MLIP: variants seen among roughly 807,000 people sequenced by gnomAD.
The protein encoded by MLIP is muscular LMNA interacting protein, also known as muscular LMNA-interacting protein.
MLIP carries 79 observed loss-of-function variants against 84.8 expected under a neutral mutation model. That is an observed-to-expected ratio of 0.93 (90% CI 0.78 to 1.12). The LOEUF (loss-of-function observed/expected upper bound fraction) is 1.12, where lower values mean the gene tolerates loss of function less well. Ranked by LOEUF, MLIP falls within the 50% of genes most tolerant of loss-of-function variation. MLIP has a pLI of 0.00. For missense variants in MLIP, 1,257 were observed against 1,160.6 expected (o/e 1.08, Z -1.21); for synonymous variants, 504 against 463.0 (o/e 1.09, Z -1.14).
chr6:54,071,669 T>C (rs1766493750), intron 1 of MLIP, among the ~76,000 whole-genome samples: 1 of 152,198 alleles, frequency 6.6e-6, no homozygotes, highest in Non-Finnish European at 1.5e-5. Flanking sequence ...TAAGTAAACA[T>C]ATAGATTGTC....
At chr6:54,135,094 T>C (rs1771690819) in intron 3 of MLIP, among the ~76,000 whole-genome samples, 1 of 152,136 alleles carries the variant, frequency 6.6e-6, no homozygotes, top group South Asian at 2.1e-4. Context: ...GACATTGTCA[T>C]GCTTGTAGTG....
intron 1 of MLIP, among the ~76,000 whole-genome samples, chr6:54,028,596 T>G (rs1426602842): frequency 6.6e-6 from 1 of 152,238 alleles, no homozygotes; most frequent in Non-Finnish European, 1.5e-5. Flanking sequence ...GTTTTTCCAC[T>G]TGAACTCAGC....
intron 8 of MLIP, 142 bp downstream of exon 8, chr6:54,160,941 T>C (rs1774576310): frequency 4.4e-6 from 3 of 687,008 alleles, no homozygotes; most frequent in African/African-American, 3.6e-5. Flanking sequence ...ATTTTAAAGA[T>C]AGTAAATATT....
chr6:54,233,137 T>C (rs1304114638), intron 12 of MLIP, among the ~76,000 whole-genome samples: 2 of 152,208 alleles, frequency 1.3e-5, no homozygotes, highest in Non-Finnish European at 2.9e-5. Context: ...TTCACTGCCT[T>C]GCAGCCTCAT....
At chr6:54,171,502 AG>A (rs1409768097) in intron 9 of MLIP, among the ~76,000 whole-genome samples, 9 of 151,622 alleles carry the variant, frequency 5.9e-5, no homozygotes, top group Admixed American at 5.3e-4. Flanking sequence ...GGTCAAAACT[AG>A]TTTGGCGCCA....
chr6:54,146,479 C>T (rs1289309321), intron 4 of MLIP, among the ~76,000 whole-genome samples: 1 of 152,122 alleles, frequency 6.6e-6, no homozygotes, highest in Non-Finnish European at 1.5e-5. Context: ...GAAGAGAGCT[C>T]TTGGCATGAG....
chr6:54,083,234 T>C (rs1767275911), intron 1 of MLIP, among the ~76,000 whole-genome samples: 1 of 152,112 alleles, frequency 6.6e-6, no homozygotes, highest in African/African-American at 2.4e-5. Context: ...TGTGACATAG[T>C]TTTTGTAGCC....
chr6:54,078,341 C>T lies in MLIP; in HGVS notation c.64-43106C>T, dbSNP rs563972090. On this transcript the variant is annotated intron_variant, in intron 1 of 12. Transcript: ENST00000274897. ...CATGGTGGCTCATGCTTGTAATCCC[C>T]GCACTTTGGGAGGCTGAGGCAGGCA... Among the ~76,000 whole-genome samples, 12 of 152,256 alleles carry T rather than the reference C, an allele frequency of 7.9e-5. No individual in the cohort carries two copies. The South Asian group carries it at 1.4e-3, about 18-fold the overall frequency.
intron 1 of MLIP, among the ~76,000 whole-genome samples, chr6:54,077,195 G>T (rs762374584): frequency 6.6e-6 from 1 of 152,176 alleles, no homozygotes; most frequent in African/African-American, 2.4e-5. Context: ...GCTCAGGGGA[G>T]TAATCAGTCC....
rs1471268391 is a variant in MLIP at position 54,137,990 on chromosome 6, C to T, written c.1921C>T (p.Leu641Phe). Residue 641 changes from leucine to phenylalanine, a missense_variant, in exon 4 of 14, where the codon CTT becomes TTT. Physicochemically the swap from Leu to Phe is conservative, Grantham distance 22. Coordinates refer to ENST00000502396, the MANE Select transcript of MLIP (RefSeq NM_001281747.2). ...TGGCCAGGAGCTGAATCCTTCAGCT[C>T]TTCCTTCACTCCCTGTCTCCAGTGC... Reference protein sequence around the residue: ...LSGQELNPSALPSLPVSSADF... With the variant: ...LSGQELNPSAFPSLPVSSADF... 6.5e-7 allele frequency: 1 copy of T among 1,536,088 alleles called. No individual in the cohort carries two copies. Among genetic ancestry groups the T allele is most frequent in the African/African-American group, 1.4e-5 (1 of 73,170 alleles).
intron 9 of MLIP, among the ~76,000 whole-genome samples, chr6:54,188,073 C>G (rs1024303342): frequency 3.9e-5 from 6 of 152,112 alleles, no homozygotes; most frequent in African/African-American, 1.4e-4. Flanking sequence ...TGTATCTAAA[C>G]ATAGAAAAGG....
intron 4 of MLIP, among the ~76,000 whole-genome samples, chr6:54,140,541 C>T (rs1197542110): frequency 6.6e-6 from 1 of 152,084 alleles, no homozygotes; most frequent in Non-Finnish European, 1.5e-5. Context: ...AAAAAAGCTT[C>T]TTATCATGGG....
chr6:54,254,759 C>T, intron 12 of MLIP, among the ~76,000 whole-genome samples: 1 of 138,000 alleles, frequency 7.2e-6, no homozygotes, highest in African/African-American at 2.8e-5. Context: ...TTCCTTCCTT[C>T]CTTCCTTCCC....
chr6:54,040,315 G>T (rs1015826852), intron 1 of MLIP, among the ~76,000 whole-genome samples: 4 of 152,026 alleles, frequency 2.6e-5, no homozygotes, highest in East Asian at 1.9e-4. Context: ...AATAGAAAAA[G>T]AAAATAAAAC....
At chr6:54,195,844 C>T (rs189765005) in intron 10 of MLIP, among the ~76,000 whole-genome samples, 2 of 152,178 alleles carry the variant, frequency 1.3e-5, no homozygotes, top group East Asian at 3.9e-4. Flanking sequence ...AAAAAGATGA[C>T]ATCATTGTGT....
At chr6:54,199,704 A>C (rs1255831958) in intron 10 of MLIP, among the ~76,000 whole-genome samples, 1 of 152,178 alleles carries the variant, frequency 6.6e-6, no homozygotes, top group Non-Finnish European at 1.5e-5. Context: ...AGAAGTATGA[A>C]CAATGTCAAA....
chr6:54,037,361 A>T (rs115922286), intron 1 of MLIP, among the ~76,000 whole-genome samples: 2 of 151,910 alleles, frequency 1.3e-5, no homozygotes, highest in Non-Finnish European at 2.9e-5. Flanking sequence ...AAATAAGTCC[A>T]TATATGGGAT....
chr6:54,047,873 A>G (rs1765157740), intron 1 of MLIP, among the ~76,000 whole-genome samples: 1 of 152,232 alleles, frequency 6.6e-6, no homozygotes, highest in Non-Finnish European at 1.5e-5. Flanking sequence ...AATAGTCTAC[A>G]GAGATGAAAT....
intron 1 of MLIP, among the ~76,000 whole-genome samples, chr6:54,070,924 T>C (rs1766445184): frequency 6.6e-6 from 1 of 152,158 alleles, no homozygotes; most frequent in Non-Finnish European, 1.5e-5. Context: ...ATTATATTCA[T>C]AATTGAAGGA....
Sources: gnomAD v4.1 joint callset for allele counts (sites outside exome capture counted in the v4.1 genomes callset) on GRCh38, gnomAD v4.1.1 for gene constraint, MANE v1.5 for transcripts, NCBI Gene and HGNC (gene_info 2026-07-23, HGNC 2026-07-21) for gene names.